Variants in KIF15 observed in about 807,000 individuals in gnomAD.
The protein encoded by KIF15 is kinesin family member 15.
Under a neutral mutation model 190.6 loss-of-function variants are expected in KIF15, and 140 were observed. The observed-to-expected ratio is 0.73, with a 90% CI of 0.64 to 0.84. The LOEUF (loss-of-function observed/expected upper bound fraction) is 0.84, where lower values mean the gene tolerates loss of function less well. Ranked by LOEUF, KIF15 falls within the 40% of genes least tolerant of loss-of-function variation. The probability of loss-of-function intolerance (pLI) is 0.00; values close to 1 mark genes in which losing one functional copy is unlikely to be tolerated. For synonymous variants in KIF15, 528 were observed against 551.3 expected (o/e 0.96, Z 0.59); for missense variants, 1,372 against 1,584.4 (o/e 0.87, Z 2.28).
chr3:44,770,323 GATT>G (rs1171322301), intron 1 of KIF15, among the ~76,000 whole-genome samples: 1 of 152,128 alleles, frequency 6.6e-6, no homozygotes, highest in Non-Finnish European at 1.5e-5. Context: ...AGGGCTTTTA[GATT>G]GGCTTTGATG....
intron 26 of KIF15, among the ~76,000 whole-genome samples, chr3:44,835,990 C>T (rs1429262382): frequency 6.6e-6 from 1 of 152,114 alleles, no homozygotes; most frequent in Non-Finnish European, 1.5e-5. Context: ...GGGACAATTG[C>T]TTGAGTCCAG....
In KIF15 at chr3:44,842,214, C is replaced by G. The variant is rs369425736; in HGVS notation, c.3586-911C>G. ...TTTATATATTAGAGATTTTTTTAGT[C>G]TCTGATAAATTTAAAATACTTTCTT... is the stretch of plus-strand genomic sequence containing the variant. On this transcript the variant is annotated intron_variant, in intron 29 of 34. Transcript: ENST00000326047. Among the ~76,000 whole-genome samples the G allele has an allele frequency of 8.6e-5, 13 of 151,906 alleles. No individual in the cohort carries two copies. In the East Asian group the frequency reaches 2.5e-3, roughly 29 times the overall value.
At chr3:44,856,268 C>T (rs1298881204), downstream of KIF15, among the ~76,000 whole-genome samples, 5 of 152,152 alleles carry the variant, frequency 3.3e-5, no homozygotes, top group African/African-American at 1.2e-4. Flanking sequence ...GTCAATTTGC[C>T]AGTCCTGGGC....
intron 14 of KIF15, among the ~76,000 whole-genome samples, chr3:44,804,820 G>A (rs750325422): frequency 6.6e-6 from 1 of 152,062 alleles, no homozygotes; most frequent in African/African-American, 2.4e-5. Flanking sequence ...AAACACTGAA[G>A]TTGTAAAGCT....
chr3:44,840,179 A>G (rs1021445919), intron 27 of KIF15, among the ~76,000 whole-genome samples, 176 bp from the exon 28 acceptor site: 4 of 152,208 alleles, frequency 2.6e-5, no homozygotes, highest in African/African-American at 9.6e-5. Flanking sequence ...AACCTCACCA[A>G]CACTTAACTT....
intron 6 of KIF15, chr3:44,864,012 A>G (rs1012516288): frequency 1.7e-6 from 1 of 595,136 alleles, no homozygotes; most frequent in East Asian, 2.7e-5. Context: ...TATTTGTAAG[A>G]TGGGTCTGCT....
chr3:44,860,842 AT>A (rs140980322), intron 6 of KIF15, among the ~76,000 whole-genome samples: 5,702 of 152,274 alleles, frequency 0.037, 138 homozygotes, highest in Middle Eastern at 0.068. Flanking sequence ...ATATTCTATA[AT>A]TTTTTTAACA....
intron 7 of KIF15, among the ~76,000 whole-genome samples, chr3:44,789,899 A>G (rs1184944445): frequency 1.3e-5 from 2 of 151,950 alleles, no homozygotes; most frequent in African/African-American, 2.4e-5. Flanking sequence ...ACACACTTCT[A>G]ATATTAAACA....
At chr3:44,790,372 T>G (rs1208236573) in intron 7 of KIF15, among the ~76,000 whole-genome samples, 1 of 151,832 alleles carries the variant, frequency 6.6e-6, no homozygotes, top group Non-Finnish European at 1.5e-5. Flanking sequence ...AGAGATGGGG[T>G]TTTGTCATGT....
At chr3:44,809,029 T>C (rs927476657) in intron 16 of KIF15, among the ~76,000 whole-genome samples, 3 of 152,210 alleles carry the variant, frequency 2.0e-5, no homozygotes, top group African/African-American at 7.2e-5. Flanking sequence ...TTAGGATGTC[T>C]TAGCATTTGA....
At chr3:44,842,635 G>A (rs1348071167) in intron 29 of KIF15, among the ~76,000 whole-genome samples, 3 of 152,152 alleles carry the variant, frequency 2.0e-5, no homozygotes, top group African/African-American at 7.2e-5. Context: ...ACTGGGTCAG[G>A]TGAAACGAAA....
intron 7 of KIF15, among the ~76,000 whole-genome samples, chr3:44,788,536 C>T (rs1231346821): frequency 6.6e-6 from 1 of 151,962 alleles, no homozygotes; most frequent in African/African-American, 2.4e-5. Context: ...TTCACTGCAG[C>T]CTTGACCTCC....
intron 3 of KIF15, among the ~76,000 whole-genome samples, chr3:44,777,365 C>CT (rs890021073): frequency 2.0e-5 from 3 of 151,922 alleles, no homozygotes; most frequent in Admixed American, 1.3e-4. Context: ...ATCTTTGGAT[C>CT]TTTTTTTTAT....
At chr3:44,829,558 T>A (rs1179412320) in intron 24 of KIF15, among the ~76,000 whole-genome samples, 3 of 99,004 alleles carry the variant, frequency 3.0e-5, no homozygotes, top group African/African-American at 9.4e-5. Context: ...ATGTATATAT[T>A]ATATATGTAT....
At chr3:44,849,412 T>A (rs1482765202) in intron 32 of KIF15, among the ~76,000 whole-genome samples, 1 of 152,100 alleles carries the variant, frequency 6.6e-6, no homozygotes, top group Non-Finnish European at 1.5e-5. Flanking sequence ...TGCTTGAGTT[T>A]AGGAGTTTGA....
chr3:44,794,451 A>C, intron 8 of KIF15, 25 bp downstream of exon 8: 1 of 1,535,572 alleles, frequency 6.5e-7, no homozygotes. Flanking sequence ...ATGGTCTTCA[A>C]CTTGTGTGTG....
chr3:44,766,203 T>G (rs1705366583), intron 1 of KIF15, among the ~76,000 whole-genome samples: 1 of 152,296 alleles, frequency 6.6e-6, no homozygotes, highest in East Asian at 1.9e-4. Context: ...GATTAGGAGT[T>G]ATCTGTTTAT....
At chr3:44,826,576 T>A in intron 22 of KIF15, 116 bp downstream of exon 22, 1 of 697,126 alleles carries the variant, frequency 1.4e-6, no homozygotes, top group Non-Finnish European at 2.3e-6. Flanking sequence ...TTTAAAGCAT[T>A]CCAAAAGCAA....
At chr3:44,773,599 G>A (rs1705738303) in intron 1 of KIF15, among the ~76,000 whole-genome samples, 1 of 152,234 alleles carries the variant, frequency 6.6e-6, no homozygotes, top group African/African-American at 2.4e-5. Flanking sequence ...GAAAGGCTGG[G>A]TTGGAATGAG....
Sources: gnomAD v4.1 joint callset for allele counts (sites outside exome capture counted in the v4.1 genomes callset) on GRCh38, gnomAD v4.1.1 for gene constraint, MANE v1.5 for transcripts, NCBI Gene and HGNC (gene_info 2026-07-23, HGNC 2026-07-21) for gene names.